OGA: variants seen among roughly 807,000 people sequenced by gnomAD.
OGA encodes the protein protein O-GlcNAcase.
In OGA, 21 loss-of-function variants were observed where a neutral mutation model predicts 102.0. The observed-to-expected ratio is 0.21, with a 90% CI of 0.15 to 0.30. The LOEUF (loss-of-function observed/expected upper bound fraction) is 0.30, where lower values mean the gene tolerates loss of function less well. Ranked by LOEUF, OGA falls within the 10% of genes least tolerant of loss-of-function variation. The pLI is 1.00. For missense variants in OGA, 765 were observed against 1,107.8 expected, an observed-to-expected ratio of 0.69 and a Z score of 4.39; for synonymous variants, 408 against 378.2, an observed-to-expected ratio of 1.08 and a Z score of -0.91.
Position 101,798,007 on chromosome 10 carries a change from T to C in OGA, c.1957A>G (p.Met653Val). ...YVWDIKSIMS[M>V]VKSFVQWLGC... is the part of the protein sequence containing the mutation. ...AACCACTGTACAAAAGACTTCACCA[T>C]AGACATTATACTCTTGATATCCCAA... is the stretch of plus-strand genomic sequence containing the variant. Residue 653 changes from methionine to valine, a missense_variant, in exon 10 of 16, where the codon ATG becomes GTG. Physicochemically the swap from Met to Val is conservative, Grantham distance 21. This residue lies in a region of OGA where 10 missense variants were observed against 47.8 expected (regional missense o/e 0.21). Transcript: ENST00000361464. The C allele has an allele frequency of 6.2e-7, 1 of 1,613,752 alleles. No homozygotes were observed. The highest frequency in any genetic ancestry group is 1.1e-5 in the South Asian group (1 of 91,070).
At chr10:101,796,140 A>G (rs987639213) in intron 10 of OGA, among the ~76,000 whole-genome samples, 2 of 152,216 alleles carry the variant, frequency 1.3e-5, no homozygotes, top group African/African-American at 4.8e-5. Flanking sequence ...TTAAATCCCT[A>G]TAAGAATGAA....
rs113523285 is a variant in OGA, at chr10:101,787,182, A to G, written c.2614+182T>C. ...CAAGCATGAGCCACTAAGCCCAACC[A>G]GCATTTCTCAATTATTAATACACAT... On this transcript the variant is annotated intron_variant, in intron 15 of 15. Transcript: ENST00000361464. Among the ~76,000 whole-genome samples the G allele has an allele frequency of 4.2e-4, 64 of 152,320 alleles. 2 individuals are homozygous for G. Among genetic ancestry groups the G allele is most frequent in the African/African-American group, 1.5e-3 (63 of 41,570 alleles).
chr10:101,813,508 T>C (rs754073857), intron 2 of OGA, 47 bp downstream of exon 2: 1 of 1,193,494 alleles, frequency 8.4e-7, no homozygotes, highest in Admixed American at 2.4e-5. Flanking sequence ...AAAGAAAATG[T>C]TAAGAGTTTA....
chr10:101,797,916 TGGGA>T, intron 10 of OGA, 60 bp downstream of exon 10: 1 of 1,495,562 alleles, frequency 6.7e-7, no homozygotes, highest in Non-Finnish European at 9.3e-7. Context: ...TTTCTCCCTG[TGGGA>T]TAATTTTTTT....
At position 101,786,284 on chromosome 10, in the gene OGA, G is replaced by T; in HGVS notation, c.*167C>A. On this transcript the variant is annotated 3_prime_UTR_variant, in exon 16 of 16. Coordinates refer to ENST00000361464, the MANE Select transcript of OGA (RefSeq NM_012215.5). ...CTGCAATACTATATTCTTCCAACCA[G>T]TGAGTAGTCTCAAAGTGTGATGGGT... The T allele has an allele frequency of 1.7e-6, 1 of 593,456 alleles. No homozygotes were observed. The highest frequency in any genetic ancestry group is 2.6e-6 in the Non-Finnish European group (1 of 378,226). 36.8% of individuals were successfully genotyped at this position (593,456 alleles called of 1,614,324 possible). A position where few individuals can be genotyped will look rare whatever the true frequency, so the allele number is the denominator to read the frequency against.
At chr10:101,815,574 G>A (rs1003736415) in intron 1 of OGA, among the ~76,000 whole-genome samples, 3 of 151,882 alleles carry the variant, frequency 2.0e-5, no homozygotes, top group Non-Finnish European at 2.9e-5. Flanking sequence ...GTGAGCCACC[G>A]CGCCCGGCCA....
rs1478514607 is a variant in OGA, at chr10:101,799,424, T to G, written c.1227A>C (p.Ala409=). The change falls in exon 9 of 16, where the codon GCA becomes GCC. Residue 409 remains alanine (A), a synonymous_variant. Transcript: ENST00000361464. Reference sequence around the variant, plus strand: ...CTAAAGGAGTCCCATCAACTACACTTGCTTTAGCTCCACTGTGTGCAACTT... The same window carrying G: ...CTAAAGGAGTCCCATCAACTACACTGGCTTTAGCTCCACTGTGTGCAACTT... The part of the protein sequence containing the change: ...SRQVAHSGAK[A]SVVDGTPLVA... The G allele has an allele frequency of 6.2e-7, 1 of 1,613,968 alleles. No individual in the cohort carries two copies. Among genetic ancestry groups the G allele is most frequent in the Admixed American group, 1.7e-5 (1 of 60,000 alleles).
chr10:101,796,814 T>C (rs890106077), intron 10 of OGA, among the ~76,000 whole-genome samples: 1 of 152,110 alleles, frequency 6.6e-6, no homozygotes, highest in African/African-American at 2.4e-5. Flanking sequence ...GGTCTCGAAC[T>C]CCTGATCTCA....
Position 101,804,028 on chromosome 10 carries a change from A to G in OGA, c.752-9T>C. 1.2e-6 allele frequency: 2 copies of G among 1,603,296 alleles called. No homozygotes were observed. The highest frequency in any genetic ancestry group is 2.2e-5 in the South Asian group (2 of 90,186). ...AGAAACAACTTTGGGACCTAGAAATAACGACAACCGTTCGTTAAAAGAATC... is the reference window on the plus strand; with the variant it reads ...AGAAACAACTTTGGGACCTAGAAATGACGACAACCGTTCGTTAAAAGAATC... On this transcript the variant is annotated splice_polypyrimidine_tract_variant and intron_variant, in intron 6 of 15. Coordinates refer to ENST00000361464, the MANE Select transcript of OGA (RefSeq NM_012215.5).
intron 8 of OGA, 139 bp from the exon 9 acceptor site, chr10:101,799,594 T>A: frequency 2.1e-6 from 2 of 931,746 alleles, no homozygotes; most frequent in South Asian, 3.6e-5. Context: ...TAATTTGACC[T>A]CTAAGAAAAA....
chr10:101,812,356 C>T (rs1023068756), intron 3 of OGA, among the ~76,000 whole-genome samples: 4 of 151,968 alleles, frequency 2.6e-5, no homozygotes, highest in Admixed American at 6.6e-5. Context: ...TGCAGTTAGC[C>T]GAGATCGCAC....
rs1185344174 is a variant in OGA, at chr10:101,815,961, G to GAAAAAAAAA, written c.199+1862_199+1863insTTTTTTTTT. On this transcript the variant is annotated intron_variant, in intron 1 of 15. Transcript: ENST00000361464. ...TGCCAACCAAGAGGTATCAAAAAGA[G>GAAAAAAAAA]AGAAAAAAAAAAAAAAAAAAAAAAA... 1.3e-3 allele frequency among the ~76,000 whole-genome samples: 32 copies of GAAAAAAAAA among 23,788 alleles called. 9 individuals carry two copies. Among genetic ancestry groups the GAAAAAAAAA allele is most frequent in the African/African-American group, 1.8e-3 (8 of 4,516 alleles). The allele number at this position is 23,788 out of a possible 152,430, so 15.6% of individuals were successfully genotyped here.
At chr10:101,810,401 T>C (rs2065538389) in intron 3 of OGA, 87 bp from the exon 4 acceptor site, 2 of 1,237,384 alleles carry the variant, frequency 1.6e-6, no homozygotes, top group Non-Finnish European at 2.2e-6. Context: ...GGTTATTTCT[T>C]CTAACTTACA....
intron 10 of OGA, chr10:101,796,979 C>T (rs568946094): frequency 6.6e-6 from 1 of 151,506 alleles, no homozygotes; most frequent in Non-Finnish European, 1.5e-5. Flanking sequence ...TTCAAATTAA[C>T]AATCTGAGAC....
At chr10:101,796,764 G>C (rs1180340927) in intron 10 of OGA, among the ~76,000 whole-genome samples, 1 of 151,828 alleles carries the variant, frequency 6.6e-6, no homozygotes, top group Non-Finnish European at 1.5e-5. Flanking sequence ...GTAGAGATAG[G>C]GTTTCACCAT....
At chr10:101,810,800 A>G (rs189934200) in intron 3 of OGA, among the ~76,000 whole-genome samples, 139 of 152,272 alleles carry the variant, frequency 9.1e-4, no homozygotes, top group Non-Finnish European at 1.5e-3. Context: ...CAGTGGCACG[A>G]TCCTGACTCA....
At position 101,810,105 on chromosome 10, in the gene OGA, T is replaced by TA. The variant is rs1211371594; in HGVS notation, c.480+78dup. On this transcript the variant is annotated intron_variant, in intron 4 of 15. Transcript: ENST00000361464. ...AAGAAATAGGAATTTGATTTCCTTT[T>TA]AACATCGTAAAAGCAACTGAGTAAA... 7 of 1,307,040 alleles carry TA rather than the reference T, an allele frequency of 5.4e-6. No homozygotes were observed. The African/African-American group carries it at 1.1e-4, about 20-fold the overall frequency. The allele number at this position is 1,307,040 out of a possible 1,614,324, so 81.0% of individuals were successfully genotyped here.
rs2065373407 is a variant in OGA at position 101,800,366 on chromosome 10, T to C, written c.1071A>G (p.Ile357Met). 1.2e-6 allele frequency: 2 copies of C among 1,613,606 alleles called. No homozygotes were observed. Among genetic ancestry groups the C allele is most frequent in the Non-Finnish European group, 1.7e-6 (2 of 1,179,532 alleles). Residue 357 changes from isoleucine to methionine, a missense_variant, in exon 8 of 16, where the codon ATA becomes ATG. Ile to Met is a conservative substitution (Grantham distance 10). Coordinates refer to ENST00000361464, the MANE Select transcript of OGA (RefSeq NM_012215.5). ...CATCACTGCCTTCATTTTCTAATTT[T>C]ATCTGGATGGACACAGTACTATCTT... is the stretch of plus-strand genomic sequence containing the variant. ...DSEDSTVSIQIKLENEGSDED... is the reference protein window; with the variant it reads ...DSEDSTVSIQMKLENEGSDED...
intron 10 of OGA, 60 bp downstream of exon 10, chr10:101,797,920 A>C: frequency 6.6e-7 from 1 of 1,517,242 alleles, no homozygotes; most frequent in Non-Finnish European, 9.1e-7. Flanking sequence ...TCCCTGTGGG[A>C]TAATTTTTTT....
Sources: allele counts gnomAD v4.1 joint callset (sites outside exome capture counted in the v4.1 genomes callset), GRCh38; gene constraint gnomAD v4.1.1; regional missense constraint gnomAD v4.1.1; transcripts MANE v1.5; gene names NCBI Gene and HGNC (gene_info 2026-07-23, HGNC 2026-07-21).